RUFY4: variants seen among roughly 807,000 people sequenced by gnomAD.
The protein encoded by RUFY4 is RUN and FYVE domain-containing protein 4.
RUFY4 carries 73 observed loss-of-function variants against 69.0 expected under a neutral mutation model. That is an observed-to-expected ratio of 1.06 (90% CI 0.88 to 1.29). The LOEUF (loss-of-function observed/expected upper bound fraction) is 1.29, where lower values mean the gene tolerates loss of function less well. Ranked by LOEUF, RUFY4 falls within the 50% of genes most tolerant of loss-of-function variation. The pLI is 0.00. For missense variants in RUFY4, 770 were observed against 705.6 expected, an observed-to-expected ratio of 1.09 and a Z score of -1.03; for synonymous variants, 287 against 271.8, an observed-to-expected ratio of 1.06 and a Z score of -0.55.
intron 2 of RUFY4, among the ~76,000 whole-genome samples, chr2:218,071,620 C>T (rs187021245): frequency 2.1e-3 from 325 of 152,236 alleles, no homozygotes; most frequent in Non-Finnish European, 3.6e-3. Context: ...CAGGTCGGCC[C>T]GAGGGGACCC....
chr2:218,050,238 T>G (rs2106030895), intron 2 of RUFY4, among the ~76,000 whole-genome samples: 1 of 152,326 alleles, frequency 6.6e-6, no homozygotes, highest in Middle Eastern at 3.4e-3. Context: ...GAGCTTTTCT[T>G]CTGTCACTCA....
chr2:218,049,926 G>A (rs1427571897), intron 2 of RUFY4, among the ~76,000 whole-genome samples: 1 of 152,132 alleles, frequency 6.6e-6, no homozygotes, highest in Admixed American at 6.5e-5. Context: ...CAAATTCCTA[G>A]TCAGACAGGG....
chr2:218,043,245 G>T (rs949344850), intron 2 of RUFY4, among the ~76,000 whole-genome samples: 2 of 152,110 alleles, frequency 1.3e-5, no homozygotes, highest in African/African-American at 4.8e-5. Context: ...TCTCAGGAGA[G>T]AGGGTAGGTC....
At position 218,060,009 on chromosome 2, in the gene RUFY4, C is replaced by G. The variant is rs73082358; in HGVS notation, c.-1071+1328C>G. 9.8e-3 allele frequency: 1,884 copies of G among 191,562 alleles called. 36 individuals carry two copies. The highest frequency in any genetic ancestry group is 0.041 in the African/African-American group (1,732 of 42,504). 11.9% of individuals were successfully genotyped at this position (191,562 alleles called of 1,614,324 possible). ...CTTCTATTTTATGATTTTCTTTCTT[C>G]TGACATTAACCATCCTAATGAGTAT... On this transcript the variant is annotated intron_variant and NMD_transcript_variant, in intron 3 of 13. Transcript: ENST00000457754.
At chr2:218,090,440 C>G (rs768157966) in exon 11 of RUFY4, 7 of 232,598 alleles carry the variant, frequency 3.0e-5, no homozygotes, top group East Asian at 9.3e-5. Flanking sequence ...TCCTGATTCA[C>G]GAGAAGTGAA....
At chr2:218,084,170 G>A (rs1484581234) in intron 9 of RUFY4, among the ~76,000 whole-genome samples, 4 of 152,044 alleles carry the variant, frequency 2.6e-5, no homozygotes, top group African/African-American at 9.7e-5. Context: ...TACAGTTCAG[G>A]AAACAGGAGA....
chr2:218,057,942 AT>A (rs1427009254), intron 2 of RUFY4, among the ~76,000 whole-genome samples: 1 of 152,188 alleles, frequency 6.6e-6, no homozygotes, highest in Non-Finnish European at 1.5e-5. Flanking sequence ...CTAATCTCTG[AT>A]TTTTGTAAAT....
rs114288049 is a variant in RUFY4 at position 218,090,390 on chromosome 2, C to T, written c.*336C>T. ...AGACCCCAGCAGCCCTGACATTTCTCCTCCACACTCCCCACTCACCCAGCA... is the reference window on the plus strand; with the variant it reads ...AGACCCCAGCAGCCCTGACATTTCTTCTCCACACTCCCCACTCACCCAGCA... On this transcript the variant is annotated 3_prime_UTR_variant, in exon 11 of 11. Coordinates refer to ENST00000344321, the Ensembl canonical transcript of RUFY4. 1.0e-3 allele frequency: 265 copies of T among 258,380 alleles called. 2 individuals carry two copies. Among genetic ancestry groups the T allele is most frequent in the African/African-American group, 5.4e-3 (247 of 45,768 alleles). The allele number at this position is 258,380 out of a possible 1,614,324, so 16.0% of individuals were successfully genotyped here. A position where few individuals can be genotyped will look rare whatever the true frequency, so the allele number is the denominator to read the frequency against.
chr2:218,074,651 G>T (rs914692062), intron 6 of RUFY4, among the ~76,000 whole-genome samples: 1 of 152,210 alleles, frequency 6.6e-6, no homozygotes, highest in Non-Finnish European at 1.5e-5. Context: ...CTTCTTGAGA[G>T]GTTGCTCTTA....
At chr2:218,055,474 A>G (rs1294992810) in intron 2 of RUFY4, among the ~76,000 whole-genome samples, 2 of 152,228 alleles carry the variant, frequency 1.3e-5, no homozygotes, top group East Asian at 1.9e-4. Context: ...CAAACCTGAT[A>G]AAACTAAATT....
At chr2:218,075,124 T>C (rs763292798) in exon 7 of RUFY4, 1 of 1,545,354 alleles carries the variant, frequency 6.5e-7, no homozygotes, top group Non-Finnish European at 8.8e-7. Context: ...CCTGAAAATG[T>C]CCAGATTGAG....
At chr2:218,053,584 A>T (rs1357163935) in intron 2 of RUFY4, among the ~76,000 whole-genome samples, 2 of 151,898 alleles carry the variant, frequency 1.3e-5, no homozygotes, top group Admixed American at 1.3e-4. Flanking sequence ...ATCTCGGCTC[A>T]CTGCAAGCTC....
At chr2:218,057,701 C>A (rs1689093528) in intron 2 of RUFY4, among the ~76,000 whole-genome samples, 1 of 152,174 alleles carries the variant, frequency 6.6e-6, no homozygotes, top group African/African-American at 2.4e-5. Flanking sequence ...TGTTCCCAAC[C>A]CCAGGCCCAG....
chr2:218,054,265 T>C (rs1430880192), intron 2 of RUFY4, among the ~76,000 whole-genome samples: 1 of 152,208 alleles, frequency 6.6e-6, no homozygotes, highest in Non-Finnish European at 1.5e-5. Context: ...TTTAAGATCA[T>C]GGACTAGGGT....
At position 218,070,595 on chromosome 2, in the gene RUFY4, TC is replaced by T. The variant is rs1442195291; in HGVS notation, c.-9del. On this transcript the variant is annotated 5_prime_UTR_variant, in exon 1 of 11. Transcript: ENST00000344321. ...CCAAGTTGCAAGGAATCACATCATT[TC>T]CAAGTACCCATGGCAGAAGAGGGAG... 3.3e-6 allele frequency: 5 copies of T among 1,537,210 alleles called. No individual in the cohort carries two copies. The East Asian group carries it at 1.2e-4, about 37-fold the overall frequency.
intron 2 of RUFY4, among the ~76,000 whole-genome samples, chr2:218,035,665 G>A (rs1473963571): frequency 6.6e-6 from 1 of 152,102 alleles, no homozygotes; most frequent in African/African-American, 2.4e-5. Context: ...TCAGAATAAG[G>A]CCACCTGCTC....
intron 3 of RUFY4, among the ~76,000 whole-genome samples, chr2:218,064,247 C>T (rs1689268692): frequency 6.6e-6 from 1 of 152,148 alleles, no homozygotes; most frequent in African/African-American, 2.4e-5. Flanking sequence ...AAGCAGAGGG[C>T]CCCAGGGTGC....
At chr2:218,038,130 A>G (rs1178858501) in intron 2 of RUFY4, among the ~76,000 whole-genome samples, 16 of 152,212 alleles carry the variant, frequency 1.1e-4, no homozygotes, top group African/African-American at 3.9e-4. Flanking sequence ...TACCCAGTCC[A>G]ATGGTATGAT....
chr2:218,042,081 C>T (rs1688709802), intron 2 of RUFY4, among the ~76,000 whole-genome samples: 1 of 152,188 alleles, frequency 6.6e-6, no homozygotes, highest in Admixed American at 6.5e-5. Flanking sequence ...TCCAAATTGT[C>T]TAATCCTTGA....
Sources: allele counts gnomAD v4.1 joint callset (sites outside exome capture counted in the v4.1 genomes callset), GRCh38; gene constraint gnomAD v4.1.1; transcripts MANE v1.5; gene names NCBI Gene and HGNC (gene_info 2026-07-23, HGNC 2026-07-21).